The following MTF2 variants were observed in gnomAD, a reference collection of about 807,000 sequenced individuals.
MTF2 encodes metal-response element-binding transcription factor 2.
Under a neutral mutation model 79.5 loss-of-function variants are expected in MTF2, and 11 were observed. The observed-to-expected ratio is 0.14, with a 90% confidence interval of 0.09 to 0.23. The LOEUF (loss-of-function observed/expected upper bound fraction) is 0.23, where lower values mean the gene tolerates loss of function less well. Ranked by LOEUF, MTF2 falls within the 10% of genes least tolerant of loss-of-function variation. MTF2 has a pLI of 1.00. For missense variants in MTF2, 486 were observed against 711.2 expected (o/e 0.68, Z 3.60); for synonymous variants, 208 against 232.8 (o/e 0.89, Z 0.97).
intron 5 of MTF2, among the ~76,000 whole-genome samples, 183 bp downstream of exon 5, chr1:93,115,271 A>G (rs1270388143): frequency 6.6e-6 from 1 of 152,224 alleles, no homozygotes; most frequent in African/African-American, 2.4e-5. Context: ...CACTTATTTG[A>G]TGATAGTAAT....
intron 3 of MTF2, among the ~76,000 whole-genome samples, chr1:93,111,367 C>G (rs901259403): frequency 6.6e-6 from 1 of 152,100 alleles, no homozygotes; most frequent in Non-Finnish European, 1.5e-5. Flanking sequence ...CACTAAGACC[C>G]GTGTTTTGTG....
chr1:93,103,003 G>A (rs1416219587), intron 1 of MTF2, among the ~76,000 whole-genome samples: 2 of 151,900 alleles, frequency 1.3e-5, no homozygotes, highest in African/African-American at 2.4e-5. Context: ...ATGGTGGTGG[G>A]CGCCTGTAGT....
intron 3 of MTF2, among the ~76,000 whole-genome samples, chr1:93,112,516 A>G (rs1464943403): frequency 6.6e-6 from 1 of 152,322 alleles, no homozygotes; most frequent in Admixed American, 6.5e-5. Context: ...ATACTCTTGC[A>G]TTGCTGGTGG....
intron 9 of MTF2, among the ~76,000 whole-genome samples, chr1:93,124,762 T>C (rs1656624082): frequency 6.6e-6 from 1 of 151,868 alleles, no homozygotes; most frequent in Non-Finnish European, 1.5e-5. Flanking sequence ...AACTTAATAT[T>C]GGTAGTTGAA....
chr1:93,129,294 GAAAT>G lies in MTF2; in HGVS notation c.1010_1013del (p.Ile337ArgfsTer52), dbSNP rs1427517767. The G allele has an allele frequency of 6.4e-7, 1 of 1,562,668 alleles. No individual in the cohort carries two copies. Among genetic ancestry groups the G allele is most frequent in the Non-Finnish European group, 8.7e-7 (1 of 1,153,842 alleles). ...AAAATTTAGGTTTATGTCTGGGAAA[GAAAT>G]AAAGAAGAAGAAGCATTTGTTTGGG... On this transcript the variant is annotated frameshift_variant, in exon 11 of 15. Transcript: ENST00000370298. LOFTEE classifies it high-confidence loss of function.
At chr1:93,136,598 A>G in intron 14 of MTF2, 72 bp from the exon 15 acceptor site, 3 of 1,240,474 alleles carry the variant, frequency 2.4e-6, no homozygotes, top group Non-Finnish European at 3.4e-6. Context: ...AATCCAGAAA[A>G]GAGAACATAT....
intron 9 of MTF2, among the ~76,000 whole-genome samples, chr1:93,125,958 G>A (rs369376923): frequency 2.0e-5 from 3 of 151,944 alleles, no homozygotes; most frequent in African/African-American, 2.4e-5. Flanking sequence ...AGCCAAGGTC[G>A]AATAAATATC....
At position 93,079,445 on chromosome 1, in the gene MTF2, CG is replaced by C. The variant is rs1217236641; in HGVS notation, c.-80del. 6 of 1,586,052 alleles carry C rather than the reference CG, an allele frequency of 3.8e-6. No individual in the cohort carries two copies. Among genetic ancestry groups the C allele is most frequent in the Non-Finnish European group, 4.3e-6 (5 of 1,156,330 alleles). On this transcript the variant is annotated 5_prime_UTR_variant, in exon 1 of 15. Transcript: ENST00000370298. ...GTGGGGCGGGTGCCCAGTAAGTGCT[CG>C]GACTCGCAGGGGAAGCGCCCACGGG... is the stretch of plus-strand genomic sequence containing the variant.
At chr1:93,136,618 A>G in intron 14 of MTF2, 52 bp from the exon 15 acceptor site, 1 of 1,404,388 alleles carries the variant, frequency 7.1e-7, no homozygotes, top group African/African-American at 1.4e-5. Context: ...TTGTATGGGC[A>G]TAGGATGCTA....
Position 93,129,749 on chromosome 1 carries a change from G to GATTC in MTF2, c.1160+311_1160+314dup, listed in dbSNP as rs988760413. Among the ~76,000 whole-genome samples, 12 of 151,920 alleles carry GATTC rather than the reference G, an allele frequency of 7.9e-5. No homozygotes were observed. The East Asian group carries it at 1.6e-3, about 20-fold the overall frequency. On this transcript the variant is annotated intron_variant, in intron 11 of 14. Transcript: ENST00000370298. ...CTTTTCATTGATTGATTGATTGATT[G>GATTC]ATTCATTCATTCAGCACAGTTTTCA... is the stretch of plus-strand genomic sequence containing the variant.
chr1:93,130,981 A>T (rs1571254300), intron 11 of MTF2, among the ~76,000 whole-genome samples: 1 of 152,220 alleles, frequency 6.6e-6, no homozygotes, highest in Admixed American at 6.5e-5. Context: ...CCTCATACAC[A>T]CAGGATGATG....
intron 14 of MTF2, among the ~76,000 whole-genome samples, chr1:93,134,629 A>G (rs1377486275): frequency 3.9e-5 from 6 of 152,040 alleles, no homozygotes; most frequent in Non-Finnish European, 7.4e-5. Context: ...GCTTCAAACA[A>G]TCCTCCCATG....
intron 6 of MTF2, among the ~76,000 whole-genome samples, chr1:93,115,854 T>C (rs935862468): frequency 6.6e-6 from 1 of 152,226 alleles, no homozygotes; most frequent in Non-Finnish European, 1.5e-5. Context: ...AAGTGAATTA[T>C]AAATATTGTC....
chr1:93,139,038 T>C lies in MTF2; in HGVS notation c.*2011T>C, dbSNP rs1037158590. The C allele has an allele frequency of 6.6e-6, 1 of 152,246 alleles. No individual in the cohort carries two copies. The highest frequency in any genetic ancestry group is 6.5e-5 in the Admixed American group (1 of 15,286). 9.4% of individuals were successfully genotyped at this position (152,246 alleles called of 1,614,324 possible). ...TTTTGGAATTGCTTTACTTAGAAAT[T>C]AAAACAGACCAACATTAAATGTGTG... On this transcript the variant is annotated 3_prime_UTR_variant, in exon 15 of 15. Coordinates refer to ENST00000370298, the MANE Select transcript of MTF2 (RefSeq NM_007358.4).
intron 1 of MTF2, among the ~76,000 whole-genome samples, chr1:93,097,806 C>G (rs571714441): frequency 6.6e-6 from 1 of 152,044 alleles, no homozygotes; most frequent in African/African-American, 2.4e-5. Context: ...CCTTGTTGGC[C>G]GGGCTGGTCG....
At chr1:93,090,346 A>G (rs895961340) in intron 1 of MTF2, among the ~76,000 whole-genome samples, 3 of 151,646 alleles carry the variant, frequency 2.0e-5, no homozygotes, top group Non-Finnish European at 4.4e-5. Flanking sequence ...TCCTGACCTC[A>G]GGTGATCTGC....
At chr1:93,112,237 A>C (rs918945541) in intron 3 of MTF2, among the ~76,000 whole-genome samples, 4 of 152,238 alleles carry the variant, frequency 2.6e-5, no homozygotes, top group Admixed American at 2.6e-4. Context: ...AGTTGCTATA[A>C]AAATGAATAA....
In MTF2 at chr1:93,120,540, G is replaced by A. The variant is rs777781723; in HGVS notation, c.798-9G>A. The A allele has an allele frequency of 6.4e-7, 1 of 1,553,560 alleles. No individual in the cohort carries two copies. The highest frequency in any genetic ancestry group is 1.4e-5 in the African/African-American group (1 of 71,228). ...TTGTTTTGTGTATTTGATTATTTTC[G>A]GATTCCAGGGTAGATATAGCACACC... On this transcript the variant is annotated splice_polypyrimidine_tract_variant and intron_variant, in intron 8 of 14. Transcript: ENST00000370298.
At chr1:93,127,535 G>A (rs1473228128) in intron 10 of MTF2, among the ~76,000 whole-genome samples, 1 of 152,164 alleles carries the variant, frequency 6.6e-6, no homozygotes, top group East Asian at 1.9e-4. Flanking sequence ...GTATCTCTGG[G>A]AGAATTTAGC....
Sources: gnomAD v4.1 joint callset for allele counts (sites outside exome capture counted in the v4.1 genomes callset) on GRCh38, gnomAD v4.1.1 for gene constraint, MANE v1.5 for transcripts, NCBI Gene and HGNC (gene_info 2026-07-23, HGNC 2026-07-21) for gene names.